Variants in DPP10 observed in about 807,000 individuals in gnomAD.
DPP10 encodes inactive dipeptidyl peptidase 10.
In DPP10, 33 loss-of-function variants were observed where a neutral mutation model predicts 120.9. The ratio of observed to expected loss-of-function variants is 0.27; its 90% CI spans 0.21 to 0.37. The LOEUF (loss-of-function observed/expected upper bound fraction) is 0.37, where lower values mean the gene tolerates loss of function less well. DPP10 is among the 10% of genes least tolerant of loss of function. The pLI is 1.00. For synonymous variants in DPP10, 337 were observed against 326.1 expected (o/e 1.03, Z -0.36); for missense variants, 816 against 942.8 (o/e 0.87, Z 1.76).
chr2:114,868,439 C>G (rs373174383), intron 1 of DPP10, among the ~76,000 whole-genome samples: 13 of 152,126 alleles, frequency 8.5e-5, no homozygotes, highest in Non-Finnish European at 1.3e-4. Flanking sequence ...GTAGTTATTC[C>G]TCTTAAGAGT....
At chr2:115,074,119 C>A (rs570053023) in intron 1 of DPP10, among the ~76,000 whole-genome samples, 1 of 152,208 alleles carries the variant, frequency 6.6e-6, no homozygotes, top group East Asian at 1.9e-4. Context: ...TCAAATGATC[C>A]TCCTGCCTTA....
intron 24 of DPP10, among the ~76,000 whole-genome samples, chr2:115,840,484 C>T (rs972116984): frequency 5.9e-5 from 9 of 151,480 alleles, no homozygotes; most frequent in African/African-American, 1.9e-4. Flanking sequence ...GCCACCACAC[C>T]GGCTAATTTT....
chr2:114,801,156 G>T (rs1005479095), intron 1 of DPP10, among the ~76,000 whole-genome samples: 4 of 151,520 alleles, frequency 2.6e-5, no homozygotes, highest in Non-Finnish European at 5.9e-5. Context: ...CCAGCTACTC[G>T]GGAGGCTGAG....
chr2:115,653,866 C>A (rs1360155912), intron 5 of DPP10, among the ~76,000 whole-genome samples: 1 of 151,846 alleles, frequency 6.6e-6, no homozygotes, highest in Non-Finnish European at 1.5e-5. Context: ...ATTCTTACAG[C>A]AAACCTCCTT....
chr2:115,135,557 T>C (rs2050610155), intron 1 of DPP10, among the ~76,000 whole-genome samples: 1 of 152,120 alleles, frequency 6.6e-6, no homozygotes. Context: ...TAAAACACTG[T>C]TCATAATTTT....
intron 1 of DPP10, among the ~76,000 whole-genome samples, chr2:114,813,715 AAT>A (rs200096758): frequency 1.6e-3 from 180 of 112,248 alleles, no homozygotes; most frequent in African/African-American, 4.9e-3. Flanking sequence ...TATGGAATTA[AAT>A]TTTTTTTTTT....
At chr2:114,469,428 A>T (rs1679712527) in intron 1 of DPP10, among the ~76,000 whole-genome samples, 1 of 152,192 alleles carries the variant, frequency 6.6e-6, no homozygotes, top group African/African-American at 2.4e-5. Context: ...AGAAGTTTTT[A>T]AAAAATATAT....
intron 1 of DPP10, among the ~76,000 whole-genome samples, chr2:115,162,601 A>C (rs1358386773): frequency 6.6e-6 from 1 of 151,984 alleles, no homozygotes; most frequent in Non-Finnish European, 1.5e-5. Flanking sequence ...GCTGAGCGGA[A>C]CGGAGCTTGG....
chr2:114,685,313 A>G (rs1446857470), intron 1 of DPP10, among the ~76,000 whole-genome samples: 2 of 151,968 alleles, frequency 1.3e-5, no homozygotes, highest in Non-Finnish European at 2.9e-5. Context: ...GCTGTACCCC[A>G]TGCTGGGATA....
intron 2 of DPP10, among the ~76,000 whole-genome samples, chr2:115,341,680 A>G (rs1482955085): frequency 6.6e-6 from 1 of 152,136 alleles, no homozygotes; most frequent in Admixed American, 6.6e-5. Flanking sequence ...TCAAAATGTC[A>G]TGTAGTTGAG....
At chr2:115,605,715 CTT>C (rs926890004) in intron 5 of DPP10, among the ~76,000 whole-genome samples, 19 of 151,792 alleles carry the variant, frequency 1.3e-4, no homozygotes, top group Admixed American at 1.2e-3. Flanking sequence ...CTCTCTCTCT[CTT>C]TTTTTTCTCT....
In DPP10 at chr2:115,383,381, T is replaced by C. The variant is rs765561911; in HGVS notation, c.271+39469T>C. 2.6e-5 allele frequency among the ~76,000 whole-genome samples: 4 copies of C among 152,344 alleles called. No homozygotes were observed. In the East Asian group the frequency reaches 7.7e-4, roughly 29 times the overall value. ...GAGACATGCCTTTCACTTTCTGCCA[T>C]GATTGTGAGTCCTCCCCAGCCATGT... On this transcript the variant is annotated intron_variant, in intron 3 of 25. Transcript: ENST00000410059.
intron 1 of DPP10, among the ~76,000 whole-genome samples, chr2:114,779,326 T>C (rs1457877538): frequency 1.3e-5 from 2 of 152,142 alleles, no homozygotes; most frequent in African/African-American, 2.4e-5. Context: ...TGTCTGCATA[T>C]AGACATCAAT....
chr2:115,133,177 A>ATT (rs1559132058), intron 1 of DPP10, among the ~76,000 whole-genome samples: 201 of 100,084 alleles, frequency 2.0e-3, no homozygotes, highest in African/African-American at 6.9e-3. Flanking sequence ...ATATATATAT[A>ATT]GTTTTTTTTT....
At chr2:115,643,807 T>C (rs1238236041) in intron 5 of DPP10, among the ~76,000 whole-genome samples, 1 of 152,228 alleles carries the variant, frequency 6.6e-6, no homozygotes, top group Non-Finnish European at 1.5e-5. Context: ...TCTGTACCAG[T>C]TGCTGATGAG....
intron 3 of DPP10, among the ~76,000 whole-genome samples, chr2:115,463,986 C>G (rs1558699687): frequency 1.3e-5 from 2 of 152,092 alleles, no homozygotes; most frequent in Non-Finnish European, 1.5e-5. Context: ...TCTTGTGTGT[C>G]CAGTAGAGAC....
Position 114,520,241 on chromosome 2 carries a change from G to A in DPP10, c.60+77403G>A, listed in dbSNP as rs545626910. Among the ~76,000 whole-genome samples, 342 of 152,334 alleles carry A rather than the reference G, an allele frequency of 2.2e-3. 1 individual carries two copies. Among genetic ancestry groups the A allele is most frequent in the Middle Eastern group, 3.4e-3 (1 of 294 alleles). On this transcript the variant is annotated intron_variant, in intron 1 of 25. Transcript: ENST00000410059. ...TCTCAAGGGGATTTATGGAGTAATGGTAAGTGTGTTTTTCTCCATTTCTAT... is the reference window on the plus strand; with the variant it reads ...TCTCAAGGGGATTTATGGAGTAATGATAAGTGTGTTTTTCTCCATTTCTAT...
chr2:115,484,563 G>T (rs925399235), intron 3 of DPP10, among the ~76,000 whole-genome samples: 2 of 151,946 alleles, frequency 1.3e-5, no homozygotes, highest in African/African-American at 4.8e-5. Flanking sequence ...ATATAGTTTT[G>T]GTTTTTTTAT....
intron 1 of DPP10, among the ~76,000 whole-genome samples, chr2:114,638,790 A>G (rs1223590813): frequency 1.3e-5 from 2 of 151,898 alleles, no homozygotes; most frequent in Non-Finnish European, 2.9e-5. Context: ...TACTGTGTAT[A>G]TATCCAAAAT....
Sources: allele counts gnomAD v4.1 joint callset (sites outside exome capture counted in the v4.1 genomes callset), GRCh38; gene constraint gnomAD v4.1.1; transcripts MANE v1.5; gene names NCBI Gene and HGNC (gene_info 2026-07-23, HGNC 2026-07-21).